The following UBXN2B variants were observed in gnomAD, a reference collection of about 807,000 sequenced individuals.
UBXN2B encodes UBX domain-containing protein 2B.
In UBXN2B, 19 loss-of-function variants were observed where a neutral mutation model predicts 37.5. The ratio of observed to expected loss-of-function variants is 0.51; its 90% CI spans 0.35 to 0.74. The LOEUF (loss-of-function observed/expected upper bound fraction) is 0.74. UBXN2B is among the 30% of genes least tolerant of loss of function. The probability of loss-of-function intolerance (pLI) is 0.01; values close to 1 mark genes in which losing one functional copy is unlikely to be tolerated. For missense variants in UBXN2B, 370 were observed against 393.2 expected (o/e 0.94, Z 0.50); for synonymous variants, 145 against 143.8 (o/e 1.01, Z -0.06).
chr8:58,425,310 G>T, intron 2 of UBXN2B: 2 of 1,159,426 alleles, frequency 1.7e-6, no homozygotes, highest in South Asian at 1.2e-5. Flanking sequence ...TCGTTGTCAT[G>T]ACAATCACTC....
chr8:58,422,420 G>A (rs1261876699), intron 2 of UBXN2B, among the ~76,000 whole-genome samples: 2 of 152,190 alleles, frequency 1.3e-5, no homozygotes, highest in Non-Finnish European at 2.9e-5. Context: ...TCACAGCAAA[G>A]ATGCCACAGC....
chr8:58,433,096 T>C lies in UBXN2B; in HGVS notation c.340-64T>C. On this transcript the variant is annotated intron_variant, in intron 3 of 7. Coordinates refer to ENST00000399598, the MANE Select transcript of UBXN2B (RefSeq NM_001077619.2). Reference sequence around the variant, plus strand: ...AATTAATCTAGTTTTAAAATACATATCACATAATAACTTTTTGCTGAATAA... The same window carrying C: ...AATTAATCTAGTTTTAAAATACATACCACATAATAACTTTTTGCTGAATAA... The C allele has an allele frequency of 3.8e-6, 5 of 1,315,404 alleles. No homozygotes were observed. In the South Asian group the frequency reaches 6.3e-5, roughly 17 times the overall value. 81.5% of individuals were successfully genotyped at this position (1,315,404 alleles called of 1,614,324 possible). A position where few individuals can be genotyped will look rare whatever the true frequency, so the allele number is the denominator to read the frequency against.
At chr8:58,435,169 G>T (rs575553121) in intron 5 of UBXN2B, 4 of 1,320,298 alleles carry the variant, frequency 3.0e-6, no homozygotes, top group Non-Finnish European at 3.9e-6. Context: ...AGCATAAACT[G>T]GGGAATTAAG....
At chr8:58,442,980 T>C (rs1326571868) in intron 6 of UBXN2B, among the ~76,000 whole-genome samples, 2 of 152,158 alleles carry the variant, frequency 1.3e-5, no homozygotes, top group Non-Finnish European at 2.9e-5. Flanking sequence ...AGCCTTACTT[T>C]ATCTCAGCTC....
At chr8:58,446,780 T>TTTTTTTTTTTTTTTTTTTTTTTC (rs1808684587) in intron 7 of UBXN2B, among the ~76,000 whole-genome samples, 1 of 48,682 alleles carries the variant, frequency 2.1e-5, no homozygotes, top group Non-Finnish European at 3.9e-5. Flanking sequence ...ACAACCTGCA[T>TTTTTTTTTTTTTTTTTTTTTTTC]TTTTTTTTTT....
chr8:58,418,748 A>G (rs1807848410), intron 2 of UBXN2B, among the ~76,000 whole-genome samples: 1 of 152,190 alleles, frequency 6.6e-6, no homozygotes, highest in Admixed American at 6.5e-5. Context: ...CTAGTTGAAC[A>G]TCCTATTCTT....
At chr8:58,422,868 T>C (rs1375311582) in intron 2 of UBXN2B, among the ~76,000 whole-genome samples, 3 of 152,246 alleles carry the variant, frequency 2.0e-5, no homozygotes, top group Non-Finnish European at 4.4e-5. Context: ...TCTCAGCTAC[T>C]GTAAGCAGTT....
rs112893775 is a variant in UBXN2B, at chr8:58,425,212, T to C, written c.189-5307T>C. On this transcript the variant is annotated intron_variant, in intron 2 of 7. Coordinates refer to ENST00000399598, the MANE Select transcript of UBXN2B (RefSeq NM_001077619.2). ...GTTGTGAGCGGTGCTTTCTCTGATA[T>C]TCCTAACACGCATGATGCCATATTC... The C allele has an allele frequency of 1.3e-5, 13 of 1,033,946 alleles. No homozygotes were observed. The African/African-American group carries it at 2.0e-4, about 16-fold the overall frequency. 64.0% of individuals were successfully genotyped at this position (1,033,946 alleles called of 1,614,324 possible). A position where few individuals can be genotyped will look rare whatever the true frequency, so the allele number is the denominator to read the frequency against.
chr8:58,432,434 G>C (rs1039336861), intron 3 of UBXN2B, among the ~76,000 whole-genome samples: 2 of 143,600 alleles, frequency 1.4e-5, no homozygotes, highest in African/African-American at 5.3e-5. Flanking sequence ...CCAGGCTGGA[G>C]TGCAGTGGCA....
At chr8:58,412,257 A>G (rs528827511) in intron 1 of UBXN2B, among the ~76,000 whole-genome samples, 3 of 152,320 alleles carry the variant, frequency 2.0e-5, no homozygotes, top group South Asian at 2.1e-4. Context: ...ACCACACTTC[A>G]TTCTAATGTG....
chr8:58,425,332 T>C, intron 2 of UBXN2B: 1 of 1,157,372 alleles, frequency 8.6e-7, no homozygotes, highest in Non-Finnish European at 1.3e-6. Context: ...GGAGTTTTCT[T>C]GGAATACCAT....
Position 58,441,351 on chromosome 8 carries a change from A to ATATATATATATATATATATGTATGTG in UBXN2B, c.671+1598_671+1599insATGTATGTGTATATATATATATATAT, listed in dbSNP as rs1554553159. Among the ~76,000 whole-genome samples the ATATATATATATATATATATGTATGTG allele has an allele frequency of 2.8e-3, 212 of 76,072 alleles. 3 individuals are homozygous for ATATATATATATATATATATGTATGTG. Among genetic ancestry groups the ATATATATATATATATATATGTATGTG allele is most frequent in the Admixed American group, 8.1e-3 (43 of 5,340 alleles). 49.9% of individuals were successfully genotyped at this position (76,072 alleles called of 152,430 possible). On this transcript the variant is annotated intron_variant, in intron 6 of 7. Transcript: ENST00000399598. ...TTACTCCTCTTGTTGTGATCAACATATATATATATATATATATGTATGTGT... is the reference window on the plus strand; with the variant it reads ...TTACTCCTCTTGTTGTGATCAACATATATATATATATATATATATGTATGTGTATATATATATATATATGTATGTGT...
chr8:58,443,394 A>G (rs191025827), intron 6 of UBXN2B, among the ~76,000 whole-genome samples: 1 of 152,166 alleles, frequency 6.6e-6, no homozygotes, highest in Middle Eastern at 3.4e-3. Flanking sequence ...TTCTTAAAAA[A>G]TTTTCTTTTT....
At chr8:58,435,636 CAAA>C (rs961771524) in intron 5 of UBXN2B, among the ~76,000 whole-genome samples, 1 of 152,010 alleles carries the variant, frequency 6.6e-6, no homozygotes, top group African/African-American at 2.4e-5. Flanking sequence ...ATAGTGGAAA[CAAA>C]GAACATATTG....
chr8:58,415,942 A>G (rs769666550), intron 1 of UBXN2B, among the ~76,000 whole-genome samples: 2 of 151,916 alleles, frequency 1.3e-5, no homozygotes, highest in South Asian at 2.1e-4. Flanking sequence ...CATTGCCCCA[A>G]TGCCCTGTTC....
chr8:58,415,615 GT>G (rs763698628), intron 1 of UBXN2B, among the ~76,000 whole-genome samples: 147 of 152,166 alleles, frequency 9.7e-4, no homozygotes, highest in Non-Finnish European at 1.4e-3. Flanking sequence ...CACATGCTTT[GT>G]GCTTTCCATA....
At chr8:58,423,412 A>G (rs908729577) in intron 2 of UBXN2B, among the ~76,000 whole-genome samples, 1 of 150,748 alleles carries the variant, frequency 6.6e-6, no homozygotes, top group Non-Finnish European at 1.5e-5. Context: ...ATTGAAGAAC[A>G]GTTGGGGGTG....
chr8:58,417,278 A>G (rs35476562), intron 2 of UBXN2B, among the ~76,000 whole-genome samples: 24,791 of 152,116 alleles, frequency 0.16, 2,202 homozygotes, highest in African/African-American at 0.23. Flanking sequence ...TTTTTGAGTC[A>G]TAGGACTCAT....
rs34018318 is a variant in UBXN2B, at chr8:58,432,375, C to CTTTTTTTTTT, written c.340-769_340-760dup. On this transcript the variant is annotated intron_variant, in intron 3 of 7. Coordinates refer to ENST00000399598, the MANE Select transcript of UBXN2B (RefSeq NM_001077619.2). ...ATTGCTTTTGTACCTTTCTAAATTT[C>CTTTTTTTTTT]TTTTTTTTTTTTTTTTTTTTTTTTT... Among the ~76,000 whole-genome samples, 22 of 81,504 alleles carry CTTTTTTTTTT rather than the reference C, an allele frequency of 2.7e-4. 1 individual carries two copies. The highest frequency in any genetic ancestry group is 4.1e-4 in the African/African-American group (8 of 19,382). The allele number at this position is 81,504 out of a possible 152,430, so 53.5% of individuals were successfully genotyped here. A position where few individuals can be genotyped will look rare whatever the true frequency, so the allele number is the denominator to read the frequency against.
Sources: gnomAD v4.1 joint callset for allele counts (sites outside exome capture counted in the v4.1 genomes callset) on GRCh38, gnomAD v4.1.1 for gene constraint, MANE v1.5 for transcripts, NCBI Gene and HGNC (gene_info 2026-07-23, HGNC 2026-07-21) for gene names.